TENM1: variants seen among roughly 807,000 people sequenced by gnomAD.
The protein encoded by TENM1 is teneurin-1.
A neutral mutation model predicts 174.8 loss-of-function variants in TENM1; 35 were observed. The ratio of observed to expected loss-of-function variants is 0.20; its 90% CI spans 0.15 to 0.27. The LOEUF (loss-of-function observed/expected upper bound fraction) is 0.27, where lower values mean the gene tolerates loss of function less well. Ranked by LOEUF, TENM1 falls within the 10% of genes least tolerant of loss-of-function variation. The pLI is 1.00. For missense variants in TENM1, 1,633 were observed against 2,130.1 expected, an observed-to-expected ratio of 0.77 and a Z score of 4.59; for synonymous variants, 781 against 798.7, an observed-to-expected ratio of 0.98 and a Z score of 0.37.
intron 27 of TENM1, among the ~76,000 whole-genome samples, chrX:124,403,977 A>G (rs147131025): frequency 0.03 from 3,341 of 111,631 alleles, 53 homozygotes; most frequent in Non-Finnish European, 0.05. Flanking sequence ...CAATAGGGGA[A>G]CGACACAGCA....
intron 11 of TENM1, among the ~76,000 whole-genome samples, chrX:124,621,962 G>A (rs1029316197): frequency 1.1e-4 from 12 of 112,187 alleles, no homozygotes; most frequent in African/African-American, 3.9e-4. Context: ...GTTTATTTGT[G>A]TTGTAATTTG....
exon 30 of TENM1, chrX:124,383,836 A>G (rs898391297): frequency 8.3e-7 from 1 of 1,208,044 alleles, no homozygotes; most frequent in Non-Finnish European, 1.1e-6. Flanking sequence ...CTCCATGAAA[A>G]CCAATAATGA....
At chrX:124,602,994 AC>A (rs2050064167) in intron 11 of TENM1, among the ~76,000 whole-genome samples, 1 of 111,348 alleles carries the variant, frequency 9.0e-6, no homozygotes, top group African/African-American at 3.3e-5. Context: ...TTCATAAGAG[AC>A]AGAAAAGGAA....
chrX:125,197,113 A>T, the TENM1 span, among the ~76,000 whole-genome samples: 46 of 111,701 alleles, frequency 4.1e-4, no homozygotes, highest in Non-Finnish European at 7.7e-4. Context: ...TTAGCCAGTG[A>T]TCAGATTTTC....
the TENM1 span, among the ~76,000 whole-genome samples, chrX:124,977,967 TGAGAGAGA>T: frequency 0.016 from 525 of 32,998 alleles, 2 homozygotes; most frequent in Middle Eastern, 0.069. Flanking sequence ...TGTGTGTGTG[TGAGAGAGA>T]GAGAGAGAGA....
intron 5 of TENM1, among the ~76,000 whole-genome samples, chrX:124,699,156 A>G (rs1310042648): frequency 8.9e-6 from 1 of 111,808 alleles, no homozygotes; most frequent in Middle Eastern, 4.2e-3. Context: ...TGAGTTAAAC[A>G]GGAGCTAAAT....
At chrX:124,688,184 C>T (rs1299856254) in intron 5 of TENM1, among the ~76,000 whole-genome samples, 4 of 106,625 alleles carry the variant, frequency 3.8e-5, no homozygotes, top group Non-Finnish European at 7.7e-5. Flanking sequence ...ATAATGTATA[C>T]TTCAAGATTC....
intron 11 of TENM1, among the ~76,000 whole-genome samples, chrX:124,584,740 C>T (rs1233991160): frequency 1.8e-5 from 2 of 111,302 alleles, no homozygotes; most frequent in East Asian, 5.7e-4. Flanking sequence ...CACAGACTGG[C>T]AAATTGGATA....
intron 20 of TENM1, among the ~76,000 whole-genome samples, chrX:124,496,023 T>C (rs1201683057): frequency 2.9e-5 from 3 of 102,439 alleles, no homozygotes; most frequent in African/African-American, 1.1e-4. Context: ...AAAACAGAGA[T>C]ATAGATCAAT....
chrX:124,408,533 G>C (rs966942798), intron 25 of TENM1, among the ~76,000 whole-genome samples: 1 of 111,391 alleles, frequency 9.0e-6, no homozygotes, highest in Non-Finnish European at 1.9e-5. Flanking sequence ...TTTCTTATCA[G>C]GGGAACTGTG....
intron 11 of TENM1, among the ~76,000 whole-genome samples, chrX:124,640,440 C>G (rs139896194): frequency 7.4e-4 from 83 of 111,966 alleles, no homozygotes; most frequent in Non-Finnish European, 1.2e-3. Context: ...ATCTTTCCTG[C>G]TTACCACGTC....
chrX:124,938,206 G>A (rs2058274833), intron 1 of TENM1, among the ~76,000 whole-genome samples: 1 of 111,645 alleles, frequency 9.0e-6, no homozygotes, highest in Non-Finnish European at 1.9e-5. Context: ...TTTGGCCAGA[G>A]AGGAAAAGCA....
At chrX:124,458,406 A>G (rs2061133182) in intron 22 of TENM1, among the ~76,000 whole-genome samples, 1 of 112,093 alleles carries the variant, frequency 8.9e-6, no homozygotes, top group South Asian at 3.7e-4. Context: ...GCTTAATGAC[A>G]AGCTGAGATG....
At chrX:125,011,798 A>T in the TENM1 span, among the ~76,000 whole-genome samples, 110 of 111,770 alleles carry the variant, frequency 9.8e-4, no homozygotes, top group Non-Finnish European at 1.8e-3. Flanking sequence ...AGGGATCTAG[A>T]ACCAGGAATA....
chrX:124,987,617 AG>A, the TENM1 span, among the ~76,000 whole-genome samples: 1,444 of 111,499 alleles, frequency 0.013, 37 homozygotes, highest in African/African-American at 0.043. Flanking sequence ...CACACAAGAA[AG>A]GACCAAGTGA....
intron 3 of TENM1, among the ~76,000 whole-genome samples, chrX:124,861,902 C>G (rs1365418299): frequency 8.9e-6 from 1 of 111,929 alleles, no homozygotes; most frequent in Non-Finnish European, 1.9e-5. Context: ...TTCTACAACA[C>G]TCATTTGACT....
intron 3 of TENM1, among the ~76,000 whole-genome samples, chrX:124,828,101 T>C (rs1159636910): frequency 9.0e-6 from 1 of 111,658 alleles, no homozygotes; most frequent in African/African-American, 3.3e-5. Context: ...GAAAGAAATG[T>C]AACAGATGTT....
the TENM1 span, among the ~76,000 whole-genome samples, chrX:125,051,095 T>G: frequency 9.0e-6 from 1 of 111,501 alleles, no homozygotes; most frequent in African/African-American, 3.3e-5. Flanking sequence ...CCATTCACAA[T>G]TGCTTCAAAG....
At chrX:124,903,188 T>C (rs781229171) in intron 1 of TENM1, among the ~76,000 whole-genome samples, 24 of 111,873 alleles carry the variant, frequency 2.1e-4, no homozygotes, top group Non-Finnish European at 2.8e-4. Flanking sequence ...TTATGCCTTA[T>C]TTAATTTTCA....
Sources: gnomAD v4.1 joint callset for allele counts (sites outside exome capture counted in the v4.1 genomes callset) on GRCh38, gnomAD v4.1.1 for gene constraint, MANE v1.5 for transcripts, NCBI Gene and HGNC (gene_info 2026-07-23, HGNC 2026-07-21) for gene names.